PHF14: variants seen among roughly 807,000 people sequenced by gnomAD.
PHF14 encodes the protein PHD finger protein 14.
A neutral mutation model predicts 117.9 loss-of-function variants in PHF14; 55 were observed. The observed-to-expected ratio is 0.47, with a 90% confidence interval of 0.38 to 0.58. PHF14 has a LOEUF of 0.58. Ranked by LOEUF, PHF14 falls within the 20% of genes least tolerant of loss-of-function variation. The pLI is 0.00. For missense variants in PHF14, 978 were observed against 1,122.2 expected (o/e 0.87, Z 1.84); for synonymous variants, 409 against 368.6 (o/e 1.11, Z -1.26).
At chr7:11,145,073 A>G (rs1788507100) in intron 17 of PHF14, among the ~76,000 whole-genome samples, 1 of 152,018 alleles carries the variant, frequency 6.6e-6, no homozygotes, top group Non-Finnish European at 1.5e-5. Flanking sequence ...TCTGAACTGT[A>G]TACTTAAAAT....
At chr7:11,053,697 A>G (rs921254617) in intron 14 of PHF14, among the ~76,000 whole-genome samples, 3 of 152,088 alleles carry the variant, frequency 2.0e-5, no homozygotes, top group African/African-American at 7.2e-5. Context: ...AATTATGTAT[A>G]TTACAGTGAA....
At chr7:10,989,514 G>C (rs1433533290) in intron 3 of PHF14, among the ~76,000 whole-genome samples, 2 of 152,118 alleles carry the variant, frequency 1.3e-5, no homozygotes, top group Non-Finnish European at 2.9e-5. Flanking sequence ...AAATATGCAA[G>C]AATCATTTTC....
At chr7:11,169,374 C>T in intron 17 of PHF14, 42 bp from the exon 18 acceptor site, 1 of 947,866 alleles carries the variant, frequency 1.1e-6, no homozygotes, top group Non-Finnish European at 1.6e-6. Flanking sequence ...GATAAATGCT[C>T]TAAAGTTTAT....
chr7:11,107,465 A>T, intron 16 of PHF14: 1 of 822,804 alleles, frequency 1.2e-6, no homozygotes, highest in Non-Finnish European at 1.5e-6. Flanking sequence ...TGTATTTAGT[A>T]AGAATCTAAT....
At chr7:11,000,872 C>G (rs191947265) in intron 4 of PHF14, among the ~76,000 whole-genome samples, 2 of 152,170 alleles carry the variant, frequency 1.3e-5, no homozygotes, top group African/African-American at 4.8e-5. Context: ...TTAATGGAGT[C>G]CAACTTATAA....
intron 13 of PHF14, among the ~76,000 whole-genome samples, chr7:11,048,465 G>A (rs537186536): frequency 8.1e-4 from 124 of 152,178 alleles, no homozygotes; most frequent in African/African-American, 2.5e-3. Context: ...CCAGCTACTC[G>A]GGAGGCTGAG....
intron 16 of PHF14, among the ~76,000 whole-genome samples, chr7:11,095,230 A>G (rs1222975618): frequency 1.3e-5 from 2 of 152,026 alleles, no homozygotes; most frequent in Non-Finnish European, 2.9e-5. Flanking sequence ...TAATCCTTAA[A>G]CTCTATAAGG....
intron 16 of PHF14, among the ~76,000 whole-genome samples, chr7:11,092,888 A>G (rs1021963940): frequency 6.6e-6 from 1 of 152,210 alleles, no homozygotes; most frequent in Non-Finnish European, 1.5e-5. Flanking sequence ...GTAAAGTAAC[A>G]CACCAGTTAA....
chr7:10,990,378 A>G (rs1782407719), intron 3 of PHF14, among the ~76,000 whole-genome samples: 1 of 152,084 alleles, frequency 6.6e-6, no homozygotes, highest in African/African-American at 2.4e-5. Context: ...CGTTTTTCCT[A>G]GTTTAAGGGG....
At chr7:11,134,240 G>C (rs574926925) in intron 17 of PHF14, among the ~76,000 whole-genome samples, 1 of 151,966 alleles carries the variant, frequency 6.6e-6, no homozygotes, top group Admixed American at 6.6e-5. Flanking sequence ...ATTCAAAAAA[G>C]ACCTTAAAAT....
chr7:11,140,647 A>G (rs904196162), intron 17 of PHF14, among the ~76,000 whole-genome samples: 1 of 152,168 alleles, frequency 6.6e-6, no homozygotes, highest in Non-Finnish European at 1.5e-5. Context: ...CTGCAAGAAT[A>G]TACTATACAG....
intron 4 of PHF14, among the ~76,000 whole-genome samples, chr7:10,997,538 G>C (rs1384537698): frequency 6.6e-6 from 1 of 152,228 alleles, no homozygotes; most frequent in Non-Finnish European, 1.5e-5. Context: ...TAAGGGGTAA[G>C]AAGCTGGGAG....
At chr7:11,148,077 T>G (rs1296322282) in intron 17 of PHF14, among the ~76,000 whole-genome samples, 1 of 152,186 alleles carries the variant, frequency 6.6e-6, no homozygotes, top group African/African-American at 2.4e-5. Flanking sequence ...CATACTTCTT[T>G]CCGTTCTGAC....
At chr7:10,983,695 TTATGTGTATGGGACATACACA>T (rs1562561007) in intron 3 of PHF14, among the ~76,000 whole-genome samples, 1 of 152,174 alleles carries the variant, frequency 6.6e-6, no homozygotes, top group African/African-American at 2.4e-5. Flanking sequence ...AATCTTTGCT[TTATGTGTATGGGACATACACA>T]TAAGTATGAA....
chr7:11,040,610 GGAA>G, intron 11 of PHF14, 59 bp from the exon 12 acceptor site: 1 of 800,782 alleles, frequency 1.2e-6, no homozygotes, highest in Non-Finnish European at 1.8e-6. Context: ...GGCAATTAGA[GGAA>G]AATGTTGCTT....
intron 16 of PHF14, among the ~76,000 whole-genome samples, chr7:11,085,146 T>C (rs1207070144): frequency 6.6e-6 from 1 of 152,186 alleles, no homozygotes; most frequent in Non-Finnish European, 1.5e-5. Flanking sequence ...AGGCAGGAAA[T>C]GCAAATTATC....
chr7:11,037,069 A>G lies in PHF14; in HGVS notation c.1958A>G (p.Lys653Arg). Residue 653 changes from lysine (K) to arginine (R), a missense_variant, in exon 10 of 18, where the codon AAG (lysine) becomes AGG (arginine). Physicochemically the swap from Lys to Arg is conservative, Grantham distance 26. Transcript: ENST00000634607. ...IKDKLENEQEKLHVEYNKLCE... is the reference protein window; with the variant it reads ...IKDKLENEQERLHVEYNKLCE... ...GATAAATTAGAGAATGAACAAGAAA[A>G]GCTTCATGTAGAATATAATAAGGTA... 6.7e-7 allele frequency: 1 copy of G among 1,494,414 alleles called. No individual in the cohort carries two copies. The highest frequency in any genetic ancestry group is 1.4e-5 in the African/African-American group (1 of 71,864). 92.6% of individuals were successfully genotyped at this position (1,494,414 alleles called of 1,614,324 possible).
At chr7:11,116,957 T>G (rs1787617346) in intron 17 of PHF14, among the ~76,000 whole-genome samples, 1 of 151,974 alleles carries the variant, frequency 6.6e-6, no homozygotes, top group Non-Finnish European at 1.5e-5. Context: ...GTATTGTAAT[T>G]TAAAAAGTAG....
chr7:11,041,480 A>G (rs1301928598), intron 12 of PHF14, among the ~76,000 whole-genome samples: 3 of 151,600 alleles, frequency 2.0e-5, no homozygotes, highest in Non-Finnish European at 4.4e-5. Flanking sequence ...GTATATGCAT[A>G]CATATATGTT....
Sources: allele counts gnomAD v4.1 joint callset (sites outside exome capture counted in the v4.1 genomes callset), GRCh38; gene constraint gnomAD v4.1.1; transcripts MANE v1.5; gene names NCBI Gene and HGNC (gene_info 2026-07-23, HGNC 2026-07-21).